ASXL1: variants seen among roughly 807,000 people sequenced by gnomAD.
ASXL1 encodes the protein ASXL transcriptional regulator 1.
ASXL1 carries 65 observed loss-of-function variants against 89.1 expected under a neutral mutation model. That is an observed-to-expected ratio of 0.73 (90% CI 0.60 to 0.90). ASXL1 has a LOEUF of 0.90. ASXL1 is among the 40% of genes least tolerant of loss of function. ASXL1 has a pLI of 0.00. For synonymous variants in ASXL1, 739 were observed against 746.9 expected, an observed-to-expected ratio of 0.99 and a Z score of 0.17; for missense variants, 1,786 against 1,942.9, an observed-to-expected ratio of 0.92 and a Z score of 1.52.
intron 4 of ASXL1, among the ~76,000 whole-genome samples, chr20:32,401,522 A>ATGTG (rs1278707742): frequency 5.5e-4 from 70 of 126,730 alleles, no homozygotes; most frequent in African/African-American, 2.1e-3. Context: ...TGAACCATAT[A>ATGTG]TGTGTGTGTG....
rs780299749 is a variant in ASXL1, at chr20:32,435,846, A to G, written c.3134A>G (p.Lys1045Arg). 1 of 1,614,210 alleles carries G rather than the reference A, an allele frequency of 6.2e-7. No individual in the cohort carries two copies. Among genetic ancestry groups the G allele is most frequent in the Non-Finnish European group, 8.5e-7 (1 of 1,180,038 alleles). The part of the protein sequence containing the change: ...PNWNQSAPLS[K>R]VNGDMRLVTR... ...TGGAACCAATCTGCCCCACTGTCCA[A>G]GGTGAATGGTGACATGCGTCTGGTT... Residue 1045 changes from lysine to arginine, a missense_variant, in exon 13 of 13, where the codon AAG (lysine) becomes AGG (arginine). Transcript: ENST00000375687.
intron 4 of ASXL1, among the ~76,000 whole-genome samples, chr20:32,423,264 C>G (rs1225738747): frequency 1.3e-5 from 2 of 151,896 alleles, no homozygotes; most frequent in Admixed American, 6.6e-5. Context: ...CAGTCTCACT[C>G]TGTCGCCCTG....
Position 32,426,553 on chromosome 20 carries a change from TC to T in ASXL1, c.253-1574del, listed in dbSNP as rs66526048. On this transcript the variant is annotated intron_variant, in intron 4 of 12. Coordinates refer to ENST00000375687, the MANE Select transcript of ASXL1 (RefSeq NM_015338.6). Reference sequence around the variant, plus strand: ...AGAAAACTGTTTTCTTTTTTTTCTTTCTTTTTTTTTTTTTTTTTTTTTTTTG... The same window carrying T: ...AGAAAACTGTTTTCTTTTTTTTCTTTTTTTTTTTTTTTTTTTTTTTTTTTG... 1.4e-4 allele frequency among the ~76,000 whole-genome samples: 15 copies of T among 110,700 alleles called. 1 individual carries two copies. The highest frequency in any genetic ancestry group is 8.8e-4 in the East Asian group (2 of 2,280). 72.6% of individuals were successfully genotyped at this position (110,700 alleles called of 152,430 possible).
At chr20:32,390,164 C>T (rs1305545361) in intron 4 of ASXL1, among the ~76,000 whole-genome samples, 2 of 152,156 alleles carry the variant, frequency 1.3e-5, no homozygotes, top group African/African-American at 4.8e-5. Flanking sequence ...AATTAGTTTA[C>T]AGTGGGCAAA....
At chr20:32,397,774 T>C (rs2048795783) in intron 4 of ASXL1, among the ~76,000 whole-genome samples, 1 of 152,252 alleles carries the variant, frequency 6.6e-6, no homozygotes, top group Non-Finnish European at 1.5e-5. Flanking sequence ...TTGGGCCGCA[T>C]TGAAAGCTGT....
chr20:32,418,480 A>ATT (rs2049176911), intron 4 of ASXL1, among the ~76,000 whole-genome samples: 1 of 152,222 alleles, frequency 6.6e-6, no homozygotes, highest in Non-Finnish European at 1.5e-5. Context: ...CAGTTCACCA[A>ATT]TTTAAAGTAT....
At chr20:32,382,832 A>T (rs1033454359) in intron 4 of ASXL1, among the ~76,000 whole-genome samples, 3 of 152,154 alleles carry the variant, frequency 2.0e-5, no homozygotes, top group African/African-American at 7.2e-5. Flanking sequence ...TGGTAGCAAC[A>T]TTTTAGATAA....
intron 4 of ASXL1, among the ~76,000 whole-genome samples, chr20:32,386,528 A>G (rs987486941): frequency 6.6e-6 from 1 of 151,836 alleles, no homozygotes; most frequent in African/African-American, 2.4e-5. Context: ...AGTAATTCTC[A>G]TGCCTTAGCC....
rs140588275 is a variant in ASXL1 at position 32,414,984 on chromosome 20, T to TTTTG, written c.253-13116_253-13113dup. ...AGTGGTGTCATGATTTTCTGGTGTT[T>TTTTG]TTTGTTTGTTTGTTTGTTTGTTTGT... On this transcript the variant is annotated intron_variant, in intron 4 of 12. Coordinates refer to ENST00000375687, the MANE Select transcript of ASXL1 (RefSeq NM_015338.6). 5.1e-3 allele frequency among the ~76,000 whole-genome samples: 766 copies of TTTTG among 150,970 alleles called. 3 individuals are homozygous for TTTTG. Among genetic ancestry groups the TTTTG allele is most frequent in the Middle Eastern group, 0.01 (3 of 290 alleles).
At chr20:32,408,716 C>A (rs2048996816) in intron 4 of ASXL1, among the ~76,000 whole-genome samples, 1 of 152,060 alleles carries the variant, frequency 6.6e-6, no homozygotes, top group Non-Finnish European at 1.5e-5. Context: ...CCATGCCCAG[C>A]CTTCTTTGCA....
intron 4 of ASXL1, among the ~76,000 whole-genome samples, chr20:32,371,096 C>G (rs1254935521): frequency 6.6e-6 from 1 of 151,764 alleles, no homozygotes; most frequent in African/African-American, 2.4e-5. Flanking sequence ...CACCACTGCT[C>G]TCCAGCCTGG....
At chr20:32,421,490 A>G (rs6141307) in intron 4 of ASXL1, among the ~76,000 whole-genome samples, 53,103 of 151,556 alleles carry the variant, frequency 0.35, 10,335 homozygotes, top group East Asian at 0.74. Context: ...GCTTTCATCC[A>G]TCTTATGACT....
chr20:32,397,664 G>C (rs2048793590), intron 4 of ASXL1, among the ~76,000 whole-genome samples: 1 of 151,460 alleles, frequency 6.6e-6, no homozygotes, highest in African/African-American at 2.4e-5. Context: ...CCCAAATGCT[G>C]CTGGAATTGC....
chr20:32,381,848 G>A (rs2048492000), intron 4 of ASXL1, among the ~76,000 whole-genome samples: 1 of 151,454 alleles, frequency 6.6e-6, no homozygotes, highest in Non-Finnish European at 1.5e-5. Flanking sequence ...GTTAATTCTT[G>A]TATCTCACCT....
At chr20:32,373,214 G>A (rs541086296) in intron 4 of ASXL1, among the ~76,000 whole-genome samples, 6 of 149,874 alleles carry the variant, frequency 4.0e-5, no homozygotes, top group South Asian at 2.1e-4. Context: ...CCGTCTCTAC[G>A]AAAAATACAA....
At chr20:32,383,861 C>T (rs1016978372) in intron 4 of ASXL1, among the ~76,000 whole-genome samples, 3 of 152,174 alleles carry the variant, frequency 2.0e-5, no homozygotes, top group African/African-American at 7.2e-5. Context: ...CATGAGGGCT[C>T]AGTTTCTCCA....
chr20:32,389,588 G>T (rs563301532), intron 4 of ASXL1, among the ~76,000 whole-genome samples: 1 of 151,796 alleles, frequency 6.6e-6, no homozygotes, highest in Non-Finnish European at 1.5e-5. Context: ...CCCCTGCCCC[G>T]CCTTTTTCTT....
rs377589713 is a variant in ASXL1 at position 32,435,087 on chromosome 20, G to C, written c.2375G>C (p.Gly792Ala). 6.8e-6 allele frequency: 11 copies of C among 1,613,888 alleles called. No homozygotes were observed. In the African/African-American group the frequency reaches 1.3e-4, roughly 20 times the overall value. ...HPDVRTECES[G>A]TTSWESDDEE... is the part of the protein sequence containing the mutation. ...GATGTTAGAACTGAATGTGAGTCTGGCACCACTTCCTGGGAAAGTGATGAT... is the reference window on the plus strand; with the variant it reads ...GATGTTAGAACTGAATGTGAGTCTGCCACCACTTCCTGGGAAAGTGATGAT... Residue 792 changes from glycine (G) to alanine (A), a missense_variant, in exon 13 of 13, where the codon GGC becomes GCC. Physicochemically the swap from Gly to Ala is moderately conservative, Grantham distance 60. Transcript: ENST00000375687.
chr20:32,433,363 CCAGGAGAA>C lies in ASXL1; in HGVS notation c.1166_1173del (p.Pro389LeufsTer18). 6.2e-7 allele frequency: 1 copy of C among 1,614,088 alleles called. No homozygotes were observed. Reference sequence around the variant, plus strand: ...TGAAATCAAAAGTGGCTTGTGTGTCCCAGGAGAATCAGTGCGTATACAGCGTGGTCCAG... The same window carrying C: ...TGAAATCAAAAGTGGCTTGTGTGTCCTCAGTGCGTATACAGCGTGGTCCAG... On this transcript the variant is annotated frameshift_variant, in exon 12 of 13. Coordinates refer to ENST00000375687, the MANE Select transcript of ASXL1 (RefSeq NM_015338.6). LOFTEE classifies it high-confidence loss of function.
Sources: allele counts gnomAD v4.1 joint callset (sites outside exome capture counted in the v4.1 genomes callset), GRCh38; gene constraint gnomAD v4.1.1; transcripts MANE v1.5; gene names NCBI Gene and HGNC (gene_info 2026-07-23, HGNC 2026-07-21).